GPHN: variants seen among roughly 807,000 people sequenced by gnomAD.
GPHN encodes the protein gephyrin.
Under a neutral mutation model 95.5 loss-of-function variants are expected in GPHN, and 17 were observed. The ratio of observed to expected loss-of-function variants is 0.18; its 90% CI spans 0.12 to 0.27. The LOEUF is 0.27. Ranked by LOEUF, GPHN falls within the 10% of genes least tolerant of loss-of-function variation. The pLI, the probability that GPHN is intolerant of heterozygous loss-of-function variation, is 1.00. For missense variants in GPHN, 660 were observed against 978.1 expected (o/e 0.67, Z 4.34); for synonymous variants, 320 against 322.5 (o/e 0.99, Z 0.08).
At chr14:66,733,427 T>G (rs951505502) in intron 2 of GPHN, among the ~76,000 whole-genome samples, 16 of 152,214 alleles carry the variant, frequency 1.1e-4, no homozygotes, top group South Asian at 8.3e-4. Context: ...TTCCCTGAGC[T>G]TAAGAGCCAT....
At chr14:67,233,958 A>G in the GPHN span, among the ~76,000 whole-genome samples, 158 of 152,366 alleles carry the variant, frequency 1.0e-3, no homozygotes, top group Non-Finnish European at 1.5e-3. Context: ...TAAACAGTAT[A>G]TAGATGAAAT....
At chr14:67,068,390 G>C (rs578160922) in intron 11 of GPHN, among the ~76,000 whole-genome samples, 1 of 152,286 alleles carries the variant, frequency 6.6e-6, no homozygotes, top group South Asian at 2.1e-4. Context: ...TCCACTGATA[G>C]GCATTCCTGG....
chr14:66,888,275 G>C (rs2064301433), intron 5 of GPHN, among the ~76,000 whole-genome samples: 1 of 151,996 alleles, frequency 6.6e-6, no homozygotes, highest in Non-Finnish European at 1.5e-5. Context: ...CTTCAAACTA[G>C]AGAAAATCGA....
intron 9 of GPHN, among the ~76,000 whole-genome samples, chr14:66,994,614 A>G (rs868625341): frequency 1.3e-5 from 2 of 152,220 alleles, no homozygotes; most frequent in Non-Finnish European, 2.9e-5. Flanking sequence ...GAACTGAGTA[A>G]ATTTTAACAA....
intron 8 of GPHN, among the ~76,000 whole-genome samples, chr14:66,962,356 G>T (rs1236497976): frequency 6.7e-6 from 1 of 149,392 alleles, no homozygotes; most frequent in Non-Finnish European, 1.5e-5. Context: ...TTTAAGATTG[G>T]GGCAAAGATT....
At chr14:67,586,586 T>TC in the GPHN span, 1 of 484,584 alleles carries the variant, frequency 2.1e-6, no homozygotes, top group South Asian at 1.7e-5. Flanking sequence ...GTGACTTTGT[T>TC]CCTACTCAAT....
chr14:66,654,302 C>G (rs1033432778), intron 1 of GPHN, among the ~76,000 whole-genome samples: 11 of 152,152 alleles, frequency 7.2e-5, no homozygotes, highest in African/African-American at 2.6e-4. Context: ...GAGGTTTCAG[C>G]ATCTATGGTC....
intron 2 of GPHN, among the ~76,000 whole-genome samples, chr14:66,718,525 G>T (rs1193077747): frequency 6.6e-6 from 1 of 152,212 alleles, no homozygotes; most frequent in African/African-American, 2.4e-5. Context: ...GGGGACCCCA[G>T]TGGGTTGCTG....
At chr14:67,291,614 G>A in the GPHN span, among the ~76,000 whole-genome samples, 13 of 152,068 alleles carry the variant, frequency 8.5e-5, no homozygotes, top group African/African-American at 2.7e-4. Context: ...TTAGAATAAC[G>A]TTTTCCAGAA....
intron 3 of GPHN, among the ~76,000 whole-genome samples, chr14:66,822,497 T>C (rs1360865177): frequency 1.3e-5 from 2 of 152,216 alleles, no homozygotes; most frequent in Non-Finnish European, 1.5e-5. Context: ...GAACCATTAC[T>C]TGACTATTAG....
At chr14:66,557,473 T>C (rs771309135) in intron 1 of GPHN, among the ~76,000 whole-genome samples, 20 of 152,210 alleles carry the variant, frequency 1.3e-4, no homozygotes, top group Non-Finnish European at 2.4e-4. Context: ...GAATTATCTT[T>C]AGAAATCATA....
Position 67,168,921 on chromosome 14 carries a change from G to A in GPHN, c.1976-12G>A, listed in dbSNP as rs1163566323. ...ACAGTGTATTATAAATAACTGCTTG[G>A]TTGACTTTCAGGGAATCCTGTATCG... On this transcript the variant is annotated splice_polypyrimidine_tract_variant and intron_variant, in intron 20 of 22. Coordinates refer to ENST00000478722, the MANE Select transcript of GPHN (RefSeq NM_020806.5). The A allele has an allele frequency of 1.3e-6, 2 of 1,555,382 alleles. No homozygotes were observed. Among genetic ancestry groups the A allele is most frequent in the Non-Finnish European group, 1.8e-6 (2 of 1,126,200 alleles).
the GPHN span, among the ~76,000 whole-genome samples, chr14:67,218,538 C>T: frequency 6.6e-6 from 1 of 152,044 alleles, no homozygotes; most frequent in Non-Finnish European, 1.5e-5. Flanking sequence ...GCTTATGGGA[C>T]TGTTTCTCTG....
intron 8 of GPHN, among the ~76,000 whole-genome samples, chr14:66,955,307 A>G (rs1304955833): frequency 6.6e-6 from 1 of 151,794 alleles, no homozygotes; most frequent in South Asian, 2.1e-4. Flanking sequence ...CAGATTTTCT[A>G]TTTCTTCTTG....
the GPHN span, among the ~76,000 whole-genome samples, chr14:67,465,197 G>A: frequency 6.6e-6 from 1 of 152,262 alleles, no homozygotes; most frequent in African/African-American, 2.4e-5. Context: ...AAGGCAGAGC[G>A]AGGGGAAGCT....
At chr14:67,382,376 A>G in the GPHN span, 1 of 1,402,462 alleles carries the variant, frequency 7.1e-7, no homozygotes, top group Non-Finnish European at 9.8e-7. Flanking sequence ...GATTAATAAA[A>G]TCTCAAGCAT....
the GPHN span, among the ~76,000 whole-genome samples, chr14:67,672,913 C>G: frequency 1.3e-5 from 2 of 152,240 alleles, no homozygotes; most frequent in Non-Finnish European, 2.9e-5. Flanking sequence ...CCATCCCAAA[C>G]ACATGGAACT....
chr14:67,648,330 G>C, the GPHN span: 2 of 864,712 alleles, frequency 2.3e-6, no homozygotes, highest in Non-Finnish European at 3.4e-6. Context: ...ATATGGCCAT[G>C]CTAATAAAAA....
intron 2 of GPHN, among the ~76,000 whole-genome samples, chr14:66,730,398 A>G (rs762794455): frequency 5.3e-5 from 8 of 152,204 alleles, no homozygotes; most frequent in Non-Finnish European, 1.0e-4. Flanking sequence ...AGCTGTTGAT[A>G]TATATATCTT....
Sources: gnomAD v4.1 joint callset for allele counts (sites outside exome capture counted in the v4.1 genomes callset) on GRCh38, gnomAD v4.1.1 for gene constraint, MANE v1.5 for transcripts, NCBI Gene and HGNC (gene_info 2026-07-23, HGNC 2026-07-21) for gene names.